Variants in ABCA13 observed in about 807,000 individuals in gnomAD.
ABCA13 encodes the protein ATP binding cassette subfamily A member 13, also known as ATP-binding cassette sub-family A member 13.
Under a neutral mutation model 478.7 loss-of-function variants are expected in ABCA13, and 476 were observed. That is an observed-to-expected ratio of 0.99 (90% CI 0.92 to 1.07). The LOEUF (loss-of-function observed/expected upper bound fraction) is 1.07, where lower values mean the gene tolerates loss of function less well. ABCA13 is among the 50% of genes least tolerant of loss of function. ABCA13 has a pLI of 0.00. For synonymous variants in ABCA13, 2,252 were observed against 2,158.9 expected (o/e 1.04, Z -1.20); for missense variants, 6,060 against 5,910.6 (o/e 1.03, Z -0.83).
At chr7:48,475,741 GGTGTGA>G (rs1828022536) in intron 45 of ABCA13, among the ~76,000 whole-genome samples, 1 of 152,094 alleles carries the variant, frequency 6.6e-6, no homozygotes, top group Non-Finnish European at 1.5e-5. Flanking sequence ...TGGGGTTGCA[GGTGTGA>G]GCCACCACGC....
intron 55 of ABCA13, among the ~76,000 whole-genome samples, chr7:48,539,513 C>T (rs1296970769): frequency 1.3e-5 from 2 of 152,042 alleles, no homozygotes; most frequent in Non-Finnish European, 2.9e-5. Context: ...AATTTATTTA[C>T]CCAGTTTTCA....
chr7:48,232,139 A>ATTTTGTTTTTTT (rs551497662), intron 7 of ABCA13, among the ~76,000 whole-genome samples: 1 of 51,318 alleles, frequency 1.9e-5, no homozygotes, highest in Non-Finnish European at 3.6e-5. Flanking sequence ...CCCACATGGA[A>ATTTTGTTTTTTT]TTTTTTTTTT....
intron 8 of ABCA13, 85 bp downstream of exon 8, chr7:48,234,236 G>A: frequency 6.3e-7 from 1 of 1,595,504 alleles, no homozygotes; most frequent in South Asian, 1.1e-5. Flanking sequence ...GGGTGAGCGG[G>A]TGCCACGGGA....
intron 35 of ABCA13, among the ~76,000 whole-genome samples, chr7:48,384,787 T>C (rs1392761323): frequency 6.6e-6 from 1 of 152,146 alleles, no homozygotes; most frequent in African/African-American, 2.4e-5. Flanking sequence ...AGGCTAAAAG[T>C]CTGAGATCAA....
chr7:48,538,595 C>T (rs1833754070), intron 55 of ABCA13, among the ~76,000 whole-genome samples: 1 of 152,092 alleles, frequency 6.6e-6, no homozygotes, highest in African/African-American at 2.4e-5. Flanking sequence ...TTGAGGTTAA[C>T]TCTTATTTGC....
intron 48 of ABCA13, among the ~76,000 whole-genome samples, chr7:48,499,338 T>C (rs754579812): frequency 4.3e-4 from 66 of 152,232 alleles, no homozygotes; most frequent in Non-Finnish European, 8.1e-4. Flanking sequence ...ACTTTCCACA[T>C]ATATTGATGA....
chr7:48,221,005 A>G (rs928333438), intron 4 of ABCA13, among the ~76,000 whole-genome samples: 14 of 152,110 alleles, frequency 9.2e-5, no homozygotes, highest in Admixed American at 3.9e-4. Flanking sequence ...GAAATTAGAT[A>G]CTAATTAAAT....
intron 35 of ABCA13, among the ~76,000 whole-genome samples, chr7:48,381,432 G>A (rs1461281303): frequency 4.6e-5 from 7 of 151,556 alleles, no homozygotes; most frequent in Admixed American, 4.0e-4. Flanking sequence ...CTTTTCTCTC[G>A]ATTTTCTTTC....
intron 42 of ABCA13, 81 bp downstream of exon 42, chr7:48,427,952 T>G: frequency 1.0e-6 from 1 of 993,064 alleles, no homozygotes; most frequent in South Asian, 1.8e-5. Context: ...TTTTAAAAGT[T>G]GTATAGCAAG....
intron 55 of ABCA13, among the ~76,000 whole-genome samples, chr7:48,541,721 T>C (rs1306565313): frequency 6.8e-6 from 1 of 146,062 alleles, no homozygotes; most frequent in Non-Finnish European, 1.6e-5. Context: ...AAAAGAGATA[T>C]ATATATACAT....
At chr7:48,614,302 C>T (rs1416423587) in intron 58 of ABCA13, among the ~76,000 whole-genome samples, 3 of 151,220 alleles carry the variant, frequency 2.0e-5, no homozygotes. Context: ...TGCTTCTCTC[C>T]TATATATTTT....
At position 48,391,948 on chromosome 7, in the gene ABCA13, C is replaced by G. The variant is rs189672968; in HGVS notation, c.11682C>G (p.Pro3894=). 141 of 1,613,958 alleles carry G rather than the reference C, an allele frequency of 8.7e-5. No homozygotes were observed. The African/African-American group carries it at 1.7e-3, about 19-fold the overall frequency. The change falls in exon 38 of 62, where the codon CCC becomes CCG. Residue 3894 remains proline (P), a synonymous_variant. Coordinates refer to ENST00000435803, the MANE Select transcript of ABCA13 (RefSeq NM_152701.5). ...CCATGTTGACGGGGCTCCACCCTCC[C>G]ACTTCTGGAACCATCATCATCAATG... ...IISMLTGLHP[P]TSGTIIINGK...
chr7:48,573,340 T>G (rs1298665290), intron 55 of ABCA13, among the ~76,000 whole-genome samples: 1 of 152,016 alleles, frequency 6.6e-6, no homozygotes, highest in Non-Finnish European at 1.5e-5. Flanking sequence ...TTGTTTTTTA[T>G]CTTATTTATT....
intron 55 of ABCA13, among the ~76,000 whole-genome samples, chr7:48,579,468 T>C (rs1788494188): frequency 6.6e-6 from 1 of 152,156 alleles, no homozygotes. Context: ...ACACTGACAA[T>C]ACCAAATGTT....
chr7:48,278,363 G>T lies in ABCA13; in HGVS notation c.7169G>T (p.Ser2390Ile). The T allele has an allele frequency of 1.2e-6, 2 of 1,613,708 alleles. No individual in the cohort carries two copies. Among genetic ancestry groups the T allele is most frequent in the Non-Finnish European group, 1.7e-6 (2 of 1,179,788 alleles). Residue 2390 changes from serine to isoleucine, a missense_variant, in exon 18 of 62, where the codon AGT becomes ATT. Physicochemically the swap from Ser to Ile is moderately radical, Grantham distance 142. Transcript: ENST00000435803. ...AATATAGACTTTTTCACAGTGGTGAGTCAGTTGTTTTTCCATGTGAATAAG... is the reference window on the plus strand; with the variant it reads ...AATATAGACTTTTTCACAGTGGTGATTCAGTTGTTTTTCCATGTGAATAAG... ...ENNIDFFTVV[S>I]QLFFHVNKSE...
intron 19 of ABCA13, among the ~76,000 whole-genome samples, chr7:48,283,453 G>A (rs1180582216): frequency 2.0e-5 from 3 of 152,134 alleles, no homozygotes; most frequent in Non-Finnish European, 2.9e-5. Flanking sequence ...TCAGGGTGAG[G>A]ACATTTCAGG....
At chr7:48,503,936 T>C (rs1337614634) in intron 48 of ABCA13, among the ~76,000 whole-genome samples, 1 of 152,236 alleles carries the variant, frequency 6.6e-6, no homozygotes, top group African/African-American at 2.4e-5. Flanking sequence ...ATTGTGATAA[T>C]CATTTTGTAA....
intron 35 of ABCA13, among the ~76,000 whole-genome samples, chr7:48,377,047 C>T (rs1427326689): frequency 2.0e-5 from 3 of 152,100 alleles, no homozygotes; most frequent in Admixed American, 6.5e-5. Context: ...GGCAGCTGGA[C>T]AGGGTGGGCT....
At chr7:48,455,581 C>G (rs1376776025) in intron 43 of ABCA13, among the ~76,000 whole-genome samples, 1 of 152,320 alleles carries the variant, frequency 6.6e-6, no homozygotes, top group East Asian at 1.9e-4. Flanking sequence ...ACCCGCCGAC[C>G]TGCAGAGGGC....
Sources: gnomAD v4.1 joint callset for allele counts (sites outside exome capture counted in the v4.1 genomes callset) on GRCh38, gnomAD v4.1.1 for gene constraint, MANE v1.5 for transcripts, NCBI Gene and HGNC (gene_info 2026-07-23, HGNC 2026-07-21) for gene names.